Variants in NRG3 observed in about 807,000 individuals in gnomAD.
NRG3 encodes the protein pro-neuregulin-3, membrane-bound isoform.
A neutral mutation model predicts 66.9 loss-of-function variants in NRG3; 31 were observed. The observed-to-expected ratio is 0.46, with a 90% confidence interval of 0.35 to 0.63. The LOEUF (loss-of-function observed/expected upper bound fraction) is 0.63. NRG3 is among the 20% of genes least tolerant of loss of function. The probability of loss-of-function intolerance (pLI) is 0.00; values close to 1 mark genes in which losing one functional copy is unlikely to be tolerated. For synonymous variants in NRG3, 393 were observed against 359.4 expected (o/e 1.09, Z -1.06); for missense variants, 910 against 878.9 (o/e 1.04, Z -0.45).
intron 1 of NRG3, among the ~76,000 whole-genome samples, chr10:82,148,641 G>T (rs1001578594): frequency 7.9e-5 from 12 of 152,134 alleles, no homozygotes; most frequent in Non-Finnish European, 4.4e-5. Flanking sequence ...CTCTGATTTG[G>T]CAGGGTTTAG....
rs560872816 is a variant in NRG3, at chr10:82,105,418, G to A, written c.823+229255G>A. On this transcript the variant is annotated intron_variant, in intron 1 of 8. Coordinates refer to ENST00000372141, the MANE Select transcript of NRG3 (RefSeq NM_001010848.4). Reference sequence around the variant, plus strand: ...AACTTGAGTTTGAGTAGTATCAGAGGTAGTGTGGAGTAAGTGATGTCCTCC... The same window carrying A: ...AACTTGAGTTTGAGTAGTATCAGAGATAGTGTGGAGTAAGTGATGTCCTCC... Among the ~76,000 whole-genome samples the A allele has an allele frequency of 1.2e-3, 179 of 152,244 alleles. 1 individual carries two copies. The highest frequency in any genetic ancestry group is 4.2e-3 in the African/African-American group (174 of 41,558).
chr10:82,062,646 G>C (rs10748876), intron 1 of NRG3, among the ~76,000 whole-genome samples: 130,088 of 151,686 alleles, frequency 0.86, 56,674 homozygotes, highest in Middle Eastern at 0.97. Flanking sequence ...TTAAGGGAAA[G>C]CTGGCTCCCA....
intron 1 of NRG3, among the ~76,000 whole-genome samples, chr10:82,297,294 A>T (rs972498123): frequency 6.6e-6 from 1 of 151,724 alleles, no homozygotes; most frequent in Non-Finnish European, 1.5e-5. Context: ...TTTTGGGTAG[A>T]TACTCAGTAG....
intron 1 of NRG3, among the ~76,000 whole-genome samples, chr10:82,061,765 G>T (rs1826998089): frequency 6.6e-6 from 1 of 151,448 alleles, no homozygotes; most frequent in African/African-American, 2.4e-5. Flanking sequence ...CTCCATAACT[G>T]CTCTCTTCCC....
intron 2 of NRG3, among the ~76,000 whole-genome samples, chr10:82,497,053 C>T (rs1843694185): frequency 6.6e-6 from 1 of 152,098 alleles, no homozygotes. Flanking sequence ...GAACTGACTG[C>T]CAGTCATTCT....
At chr10:82,175,328 A>G (rs1296972417) in intron 1 of NRG3, among the ~76,000 whole-genome samples, 1 of 152,144 alleles carries the variant, frequency 6.6e-6, no homozygotes, top group East Asian at 1.9e-4. Flanking sequence ...TTGAAAAAAA[A>G]CTTTAAAGGC....
intron 4 of NRG3, among the ~76,000 whole-genome samples, chr10:82,906,995 C>T (rs1297139748): frequency 6.6e-6 from 1 of 152,144 alleles, no homozygotes; most frequent in Non-Finnish European, 1.5e-5. Context: ...TTGAATGGGT[C>T]CTTACATCTC....
chr10:82,491,316 A>ATATATATATATATATGTAT (rs1389375279), intron 2 of NRG3, among the ~76,000 whole-genome samples: 1 of 136,818 alleles, frequency 7.3e-6, no homozygotes, highest in Non-Finnish European at 1.6e-5. Flanking sequence ...ATATATATAT[A>ATATATATATATATATGTAT]AAATAAAGAT....
intron 2 of NRG3, among the ~76,000 whole-genome samples, chr10:82,575,015 G>T (rs2045950650): frequency 6.6e-6 from 1 of 151,670 alleles, no homozygotes; most frequent in Non-Finnish European, 1.5e-5. Context: ...GTGCAACAGG[G>T]TGCCTATAGC....
intron 1 of NRG3, among the ~76,000 whole-genome samples, chr10:82,271,493 A>G (rs1034692935): frequency 2.0e-5 from 3 of 152,148 alleles, no homozygotes; most frequent in African/African-American, 7.2e-5. Flanking sequence ...ATAACAATCA[A>G]GAAAATCCCC....
Position 82,084,945 on chromosome 10 carries a change from G to A in NRG3, c.823+208782G>A, listed in dbSNP as rs965843967. The stretch of plus-strand genomic sequence containing the variant: ...AAAGTGTGCGTATGGAGTAGTCCTC[G>A]CACACAGGCTGAAAGACATATCTAG... On this transcript the variant is annotated intron_variant, in intron 1 of 8. Transcript: ENST00000372141. 5.9e-5 allele frequency among the ~76,000 whole-genome samples: 9 copies of A among 152,080 alleles called. No homozygotes were observed. The East Asian group carries it at 7.7e-4, about 13-fold the overall frequency.
intron 1 of NRG3, chr10:82,232,696 G>A (rs1564691679): frequency 2.8e-6 from 2 of 715,188 alleles, no homozygotes; most frequent in Non-Finnish European, 2.6e-6. Flanking sequence ...GCTACAAGAG[G>A]AGACACAGGA....
chr10:82,969,948 T>C (rs993137338), intron 6 of NRG3, among the ~76,000 whole-genome samples: 1 of 152,234 alleles, frequency 6.6e-6, no homozygotes, highest in East Asian at 1.9e-4. Flanking sequence ...TAATTGCACC[T>C]TCCTTATTTA....
Position 82,362,548 on chromosome 10 carries a change from G to GTTTTTTTTTTTTTTTTTTTTTTTTTTTTT in NRG3, c.953+3701_953+3702insTTTTTTTTTTTTTTTTTTTTTTTTTTTTT, listed in dbSNP as rs10694679. On this transcript the variant is annotated intron_variant, in intron 2 of 8. Coordinates refer to ENST00000372141, the MANE Select transcript of NRG3 (RefSeq NM_001010848.4). ...ACCACCATGCCCAGATAATTTCTGG[G>GTTTTTTTTTTTTTTTTTTTTTTTTTTTTT]TTTTTTTTTTTTTTTTTTTTTCGTA... Among the ~76,000 whole-genome samples the GTTTTTTTTTTTTTTTTTTTTTTTTTTTTT allele has an allele frequency of 7.2e-5, 6 of 83,188 alleles. 1 individual carries two copies. The highest frequency in any genetic ancestry group is 2.0e-4 in the African/African-American group (4 of 20,154). 54.6% of individuals were successfully genotyped at this position (83,188 alleles called of 152,430 possible).
intron 1 of NRG3, among the ~76,000 whole-genome samples, chr10:82,009,524 T>TC (rs2061497151): frequency 6.6e-6 from 1 of 152,160 alleles, no homozygotes; most frequent in South Asian, 2.1e-4. Flanking sequence ...TTACACGACT[T>TC]CCCCTGCCAA....
chr10:82,974,605 A>G (rs973833071), intron 7 of NRG3, among the ~76,000 whole-genome samples: 1 of 152,234 alleles, frequency 6.6e-6, no homozygotes, highest in Non-Finnish European at 1.5e-5. Context: ...TTGTGTTCAG[A>G]TATACATCCT....
intron 6 of NRG3, among the ~76,000 whole-genome samples, chr10:82,965,113 C>T (rs1851083030): frequency 6.6e-6 from 1 of 152,112 alleles, no homozygotes; most frequent in African/African-American, 2.4e-5. Context: ...GAGTTAACAA[C>T]AACAACAAAA....
chr10:82,036,282 T>C (rs563542022), intron 1 of NRG3, among the ~76,000 whole-genome samples: 2 of 152,204 alleles, frequency 1.3e-5, no homozygotes, highest in East Asian at 3.9e-4. Flanking sequence ...CATACTAGCA[T>C]AAAACAACCT....
At chr10:82,659,119 A>G (rs1260326106) in intron 2 of NRG3, among the ~76,000 whole-genome samples, 3 of 152,194 alleles carry the variant, frequency 2.0e-5, no homozygotes, top group Non-Finnish European at 4.4e-5. Context: ...ATTACCGGAG[A>G]CATAAGGAAA....
Sources: allele counts gnomAD v4.1 joint callset (sites outside exome capture counted in the v4.1 genomes callset), GRCh38; gene constraint gnomAD v4.1.1; transcripts MANE v1.5; gene names NCBI Gene and HGNC (gene_info 2026-07-23, HGNC 2026-07-21).